COL25A1: variants seen among roughly 807,000 people sequenced by gnomAD.
COL25A1 encodes the protein collagen type XXV alpha 1 chain, also known as collagen alpha-1(XXV) chain.
COL25A1 carries 103 observed loss-of-function variants against 128.4 expected under a neutral mutation model. That is an observed-to-expected ratio of 0.80 (90% CI 0.68 to 0.94). The LOEUF is 0.94. COL25A1 is among the 40% of genes least tolerant of loss of function. The pLI is 0.00. For missense variants in COL25A1, 745 were observed against 840.0 expected (o/e 0.89, Z 1.40); for synonymous variants, 279 against 277.2 (o/e 1.01, Z -0.06).
At chr4:108,831,439 G>A (rs1318914950) in intron 32 of COL25A1, among the ~76,000 whole-genome samples, 1 of 152,074 alleles carries the variant, frequency 6.6e-6, no homozygotes, top group Non-Finnish European at 1.5e-5. Flanking sequence ...ATGACTACTG[G>A]CCCTCTTTTT....
Position 108,828,304 on chromosome 4 carries a change from T to A in COL25A1, c.1711-1116A>T, listed in dbSNP as rs191537915. On this transcript the variant is annotated intron_variant, in intron 32 of 37. Transcript: ENST00000399132. ...AGGTGCCCGCCACGCCTGGCCAATT[T>A]TTGTATTTTTAGTAGAGATGGGGTT... 4.0e-3 allele frequency among the ~76,000 whole-genome samples: 605 copies of A among 152,110 alleles called. 1 individual carries two copies. The highest frequency in any genetic ancestry group is 0.014 in the Middle Eastern group (4 of 294).
At chr4:109,221,155 ATTAC>A (rs1778382681) in intron 3 of COL25A1, among the ~76,000 whole-genome samples, 1 of 128,322 alleles carries the variant, frequency 7.8e-6, no homozygotes, top group African/African-American at 4.1e-5. Context: ...AATTGATAAA[ATTAC>A]TTAATATGCA....
intron 3 of COL25A1, among the ~76,000 whole-genome samples, chr4:109,093,211 T>C (rs1397352735): frequency 6.6e-6 from 1 of 152,030 alleles, no homozygotes; most frequent in Admixed American, 6.6e-5. Flanking sequence ...CAACTAAAAC[T>C]AAAAATCACA....
At chr4:109,007,984 T>C (rs1344137954) in intron 6 of COL25A1, among the ~76,000 whole-genome samples, 1 of 152,234 alleles carries the variant, frequency 6.6e-6, no homozygotes. Context: ...TAGTATCTTA[T>C]TAACTACTAT....
chr4:109,224,089 C>T (rs932612771), intron 3 of COL25A1, among the ~76,000 whole-genome samples: 1 of 152,104 alleles, frequency 6.6e-6, no homozygotes, highest in Non-Finnish European at 1.5e-5. Context: ...ATCCTCAATG[C>T]TTGTTTATTT....
chr4:108,945,949 G>A (rs1039718072), intron 8 of COL25A1, among the ~76,000 whole-genome samples: 1 of 152,164 alleles, frequency 6.6e-6, no homozygotes, highest in African/African-American at 2.4e-5. Flanking sequence ...ATAGGTGTGA[G>A]CCACTGCACC....
chr4:108,823,259 A>G (rs1731984020), intron 35 of COL25A1, among the ~76,000 whole-genome samples: 1 of 152,118 alleles, frequency 6.6e-6, no homozygotes, highest in African/African-American at 2.4e-5. Flanking sequence ...CCACTGTTCT[A>G]TTGAGGGATT....
At chr4:109,214,435 G>A (rs1011765240) in intron 3 of COL25A1, among the ~76,000 whole-genome samples, 1 of 152,012 alleles carries the variant, frequency 6.6e-6, no homozygotes, top group South Asian at 2.1e-4. Flanking sequence ...CATTGTTTAT[G>A]TACAGTAACA....
intron 3 of COL25A1, among the ~76,000 whole-genome samples, chr4:109,157,365 A>T (rs539071625): frequency 6.6e-6 from 1 of 152,324 alleles, no homozygotes; most frequent in South Asian, 2.1e-4. Flanking sequence ...CAATTAACTC[A>T]GCATAGGAAA....
At chr4:109,210,939 A>G (rs1264468467) in intron 3 of COL25A1, among the ~76,000 whole-genome samples, 1 of 152,070 alleles carries the variant, frequency 6.6e-6, no homozygotes, top group Non-Finnish European at 1.5e-5. Context: ...CAAATACCGC[A>G]TGTTCTCAAT....
At chr4:108,952,936 G>A (rs574119190) in intron 8 of COL25A1, among the ~76,000 whole-genome samples, 5 of 141,950 alleles carry the variant, frequency 3.5e-5, no homozygotes, top group Non-Finnish European at 6.0e-5. Context: ...GGTTTAATGA[G>A]TATTTGCTAA....
intron 3 of COL25A1, among the ~76,000 whole-genome samples, chr4:109,221,099 T>C (rs1778377225): frequency 6.6e-6 from 1 of 151,920 alleles, no homozygotes; most frequent in Admixed American, 6.6e-5. Context: ...CATAAGATAT[T>C]AATAATATGC....
intron 3 of COL25A1, among the ~76,000 whole-genome samples, chr4:109,291,465 C>T (rs1724470628): frequency 6.6e-6 from 1 of 151,968 alleles, no homozygotes; most frequent in Non-Finnish European, 1.5e-5. Flanking sequence ...GTAAGAAAGT[C>T]TCAGAGATCT....
intron 3 of COL25A1, among the ~76,000 whole-genome samples, chr4:109,092,148 G>C (rs555969036): frequency 6.6e-6 from 1 of 152,152 alleles, no homozygotes; most frequent in South Asian, 2.1e-4. Flanking sequence ...GTAAGACAAG[G>C]GCCACTACCA....
At chr4:108,983,901 C>T (rs1753331262) in intron 6 of COL25A1, among the ~76,000 whole-genome samples, 1 of 152,098 alleles carries the variant, frequency 6.6e-6, no homozygotes, top group South Asian at 2.1e-4. Context: ...AGCAAAAGAA[C>T]AAAGCTTCCA....
intron 34 of COL25A1, among the ~76,000 whole-genome samples, chr4:108,824,791 G>C (rs1246003791): frequency 6.6e-6 from 1 of 151,996 alleles, no homozygotes; most frequent in Non-Finnish European, 1.5e-5. Context: ...GATATATAGG[G>C]ACTAAATGTT....
intron 3 of COL25A1, among the ~76,000 whole-genome samples, chr4:109,056,435 A>G (rs1761451549): frequency 6.6e-6 from 1 of 152,180 alleles, no homozygotes; most frequent in African/African-American, 2.4e-5. Context: ...AAATTCCTAG[A>G]GGATATTTTT....
At chr4:108,987,406 C>T (rs559397600) in intron 6 of COL25A1, among the ~76,000 whole-genome samples, 3 of 149,462 alleles carry the variant, frequency 2.0e-5, no homozygotes, top group East Asian at 3.9e-4. Context: ...GATGGAGTCT[C>T]GCTCTGTCGC....
At chr4:108,961,601 G>GTTCTGTTCTGTTCTA (rs1450834933) in intron 8 of COL25A1, among the ~76,000 whole-genome samples, 2 of 151,906 alleles carry the variant, frequency 1.3e-5, no homozygotes, top group African/African-American at 4.8e-5. Flanking sequence ...GTTCTGTTCT[G>GTTCTGTTCTGTTCTA]TTCTGTTCTG....
Sources: allele counts gnomAD v4.1 joint callset (sites outside exome capture counted in the v4.1 genomes callset), GRCh38; gene constraint gnomAD v4.1.1; transcripts MANE v1.5; gene names NCBI Gene and HGNC (gene_info 2026-07-23, HGNC 2026-07-21).